Variants in CARMIL1 observed in about 807,000 individuals in gnomAD.
CARMIL1 encodes the protein capping protein regulator and myosin 1 linker 1.
CARMIL1 carries 90 observed loss-of-function variants against 177.1 expected under a neutral mutation model. The ratio of observed to expected loss-of-function variants is 0.51; its 90% confidence interval spans 0.43 to 0.61. CARMIL1 has a LOEUF of 0.61. Among genes scored for constraint, CARMIL1 ranks in the 20% least tolerant of loss-of-function variants. The probability of loss-of-function intolerance (pLI) is 0.00; values close to 1 mark genes in which losing one functional copy is unlikely to be tolerated. For synonymous variants in CARMIL1, 577 were observed against 606.2 expected, an observed-to-expected ratio of 0.95 and a Z score of 0.71; for missense variants, 1,380 against 1,667.0, an observed-to-expected ratio of 0.83 and a Z score of 3.00.
At chr6:25,499,050 T>TA (rs1437966641) in intron 16 of CARMIL1, among the ~76,000 whole-genome samples, 2 of 152,148 alleles carry the variant, frequency 1.3e-5, no homozygotes, top group African/African-American at 4.8e-5. Flanking sequence ...GCCGAGCCCC[T>TA]ATGTGTTCCA....
At chr6:25,507,907 GT>G (rs1372768657) in intron 17 of CARMIL1, among the ~76,000 whole-genome samples, 1 of 151,998 alleles carries the variant, frequency 6.6e-6, no homozygotes, top group African/African-American at 2.4e-5. Context: ...GTAAATATCT[GT>G]AGTAAATAAA....
At chr6:25,548,345 A>G (rs368638) in intron 26 of CARMIL1, among the ~76,000 whole-genome samples, 68,165 of 151,958 alleles carry the variant, frequency 0.45, 15,480 homozygotes, top group East Asian at 0.49. Flanking sequence ...TAAAGAACTT[A>G]GCAAGAAAGG....
intron 23 of CARMIL1, 38 bp downstream of exon 23, chr6:25,520,375 C>A: frequency 3.6e-6 from 4 of 1,112,342 alleles, no homozygotes; most frequent in Non-Finnish European, 5.3e-6. Flanking sequence ...AAGAAATTCA[C>A]ATTTGAATTG....
chr6:25,458,462 G>A (rs559788483), intron 8 of CARMIL1, among the ~76,000 whole-genome samples: 128 of 145,656 alleles, frequency 8.8e-4, no homozygotes, highest in Middle Eastern at 3.5e-3. Flanking sequence ...CTCCAGCCTG[G>A]GTGACAGAGC....
rs1800416177 is a variant in CARMIL1 at position 25,464,456 on chromosome 6, C to CTGG, written c.615-1415_615-1413dup. Reference sequence around the variant, plus strand: ...GGGGTTGTTTTGAGATTTAAATGAACTGGTATATGTAGAGTGCCAAGCACA... The same window carrying CTGG: ...GGGGTTGTTTTGAGATTTAAATGAACTGGTGGTATATGTAGAGTGCCAAGCACA... On this transcript the variant is annotated intron_variant, in intron 8 of 36. Transcript: ENST00000329474. Among the ~76,000 whole-genome samples the CTGG allele has an allele frequency of 2.6e-5, 4 of 152,082 alleles. No individual in the cohort carries two copies. The South Asian group carries it at 8.3e-4, about 32-fold the overall frequency.
chr6:25,390,314 ATATATATTTTTTTTTT>A lies in CARMIL1; in HGVS notation c.139-29798_139-29783del, dbSNP rs1252608623. On this transcript the variant is annotated intron_variant, in intron 2 of 36. Transcript: ENST00000329474. The stretch of plus-strand genomic sequence containing the variant: ...TTTACATATATATATATATATATAT[ATATATATTTTTTTTTT>A]TTTTTTTTTGAGACAGGGTCTCAGT... 9.4e-4 allele frequency among the ~76,000 whole-genome samples: 37 copies of A among 39,518 alleles called. No homozygotes were observed. In the South Asian group the frequency reaches 0.014, roughly 15 times the overall value. 25.9% of individuals were successfully genotyped at this position (39,518 alleles called of 152,430 possible).
intron 2 of CARMIL1, among the ~76,000 whole-genome samples, chr6:25,403,602 C>T (rs534340667): frequency 1.8e-4 from 28 of 152,306 alleles, no homozygotes; most frequent in African/African-American, 5.8e-4. Context: ...CATATTCTTG[C>T]CTCAGGGCCT....
chr6:25,358,774 A>G (rs1788889858), intron 2 of CARMIL1, among the ~76,000 whole-genome samples: 1 of 152,228 alleles, frequency 6.6e-6, no homozygotes, highest in Admixed American at 6.5e-5. Flanking sequence ...TGTACCATGC[A>G]TTTCTGAGAA....
chr6:25,479,674 A>ATT (rs1374705832), intron 11 of CARMIL1, among the ~76,000 whole-genome samples: 1 of 150,480 alleles, frequency 6.6e-6, no homozygotes, highest in African/African-American at 2.4e-5. Flanking sequence ...CCTTTTTCTT[A>ATT]TTTTTTTTCC....
At chr6:25,591,157 A>C (rs1310901799) in intron 31 of CARMIL1, among the ~76,000 whole-genome samples, 2 of 152,208 alleles carry the variant, frequency 1.3e-5, no homozygotes, top group Non-Finnish European at 2.9e-5. Flanking sequence ...CAATGAAGAC[A>C]TTGTGAGAGA....
chr6:25,541,472 G>A (rs781327509), intron 26 of CARMIL1, among the ~76,000 whole-genome samples: 1 of 152,122 alleles, frequency 6.6e-6, no homozygotes, highest in Non-Finnish European at 1.5e-5. Flanking sequence ...TAGGGTAAAT[G>A]TCTATAATTT....
intron 29 of CARMIL1, chr6:25,563,647 A>G: frequency 1.0e-6 from 1 of 985,402 alleles, no homozygotes; most frequent in Non-Finnish European, 1.2e-6. Flanking sequence ...CATTTTTTCA[A>G]CAAATGCTTA....
At chr6:25,346,489 AC>A (rs928917007) in intron 2 of CARMIL1, among the ~76,000 whole-genome samples, 19 of 151,422 alleles carry the variant, frequency 1.3e-4, no homozygotes, top group African/African-American at 4.6e-4. Context: ...AACTTTCCAC[AC>A]CCCTCCTGAC....
intron 36 of CARMIL1, among the ~76,000 whole-genome samples, chr6:25,610,695 C>T (rs978958062): frequency 4.6e-5 from 7 of 152,208 alleles, no homozygotes; most frequent in African/African-American, 1.7e-4. Flanking sequence ...TGGACATTCT[C>T]AGGGCGACCC....
intron 2 of CARMIL1, among the ~76,000 whole-genome samples, chr6:25,393,185 A>G (rs2150546599): frequency 6.6e-6 from 1 of 152,328 alleles, no homozygotes; most frequent in East Asian, 1.9e-4. Context: ...TTTCTGAAAT[A>G]GCAATGATAC....
rs1257799222 is a variant in CARMIL1, at chr6:25,558,533, A to T, written c.2742+1683A>T. ...GAGGGTGGAGGAAAGGAATAATTTT[A>T]AAAAATGCAGTTGGAAGACCACCCT... On this transcript the variant is annotated intron_variant, in intron 29 of 36. Transcript: ENST00000329474. The surrounding 1 kb of genome is among the most constrained non-coding windows in gnomAD (Gnocchi z 4.1). Among the ~76,000 whole-genome samples, 5 of 152,214 alleles carry T rather than the reference A, an allele frequency of 3.3e-5. No individual in the cohort carries two copies. The highest frequency in any genetic ancestry group is 7.2e-5 in the African/African-American group (3 of 41,448).
At chr6:25,616,977 A>G (rs1259604232) in intron 36 of CARMIL1, among the ~76,000 whole-genome samples, 1 of 152,210 alleles carries the variant, frequency 6.6e-6, no homozygotes, top group Non-Finnish European at 1.5e-5. Flanking sequence ...GCCTGGTACT[A>G]GTCTCATTAT....
intron 36 of CARMIL1, among the ~76,000 whole-genome samples, chr6:25,613,797 C>T (rs1344975469): frequency 6.6e-6 from 1 of 152,146 alleles, no homozygotes; most frequent in African/African-American, 2.4e-5. Context: ...TGGAATGAGG[C>T]TCTTTTCTTC....
intron 33 of CARMIL1, among the ~76,000 whole-genome samples, chr6:25,601,615 CAAAAGAA>C (rs1815412171): frequency 6.6e-6 from 1 of 151,960 alleles, no homozygotes; most frequent in Non-Finnish European, 1.5e-5. Flanking sequence ...AAGACAAAGA[CAAAAGAA>C]AAAACACTCA....
Sources: allele counts gnomAD v4.1 joint callset (sites outside exome capture counted in the v4.1 genomes callset), GRCh38; gene constraint gnomAD v4.1.1; non-coding constraint Gnocchi (gnomAD v3.1); transcripts MANE v1.5; gene names NCBI Gene and HGNC (gene_info 2026-07-23, HGNC 2026-07-21).